Variants in PSMD1 observed in about 807,000 individuals in gnomAD.
PSMD1 encodes the protein 26S proteasome non-ATPase regulatory subunit 1.
A neutral mutation model predicts 119.0 loss-of-function variants in PSMD1; 18 were observed. That is an observed-to-expected ratio of 0.15 (90% confidence interval 0.10 to 0.22). PSMD1 has a LOEUF of 0.22. Among genes scored for constraint, PSMD1 ranks in the 10% least tolerant of loss-of-function variants. The probability of loss-of-function intolerance (pLI) is 1.00; values close to 1 mark genes in which losing one functional copy is unlikely to be tolerated. For synonymous variants in PSMD1, 374 were observed against 396.6 expected (o/e 0.94, Z 0.68); for missense variants, 702 against 1,158.5 (o/e 0.61, Z 5.72).
chr2:231,170,317 A>G lies in PSMD1; in HGVS notation c.2716-249A>G, dbSNP rs1696885575. ...TCAAGGCCATGGCTGGGAAATAACTATTCTTAAATTGGGATGCATCATCCA... is the reference window on the plus strand; with the variant it reads ...TCAAGGCCATGGCTGGGAAATAACTGTTCTTAAATTGGGATGCATCATCCA... On this transcript the variant is annotated intron_variant, in intron 23 of 24. Coordinates refer to ENST00000308696, the MANE Select transcript of PSMD1 (RefSeq NM_002807.4). This position sits in a 1 kb window ranked among gnomAD's most constrained non-coding sequence, Gnocchi z 4.1. The G allele has an allele frequency of 2.7e-6, 1 of 363,772 alleles. No homozygotes were observed. Among genetic ancestry groups the G allele is most frequent in the Admixed American group, 4.5e-5 (1 of 22,070 alleles). The allele number at this position is 363,772 out of a possible 1,614,324, so 22.5% of individuals were successfully genotyped here.
At chr2:231,153,736 C>A in intron 19 of PSMD1, 70 bp downstream of exon 19, 1 of 1,095,030 alleles carries the variant, frequency 9.1e-7, no homozygotes, top group Non-Finnish European at 1.3e-6. Context: ...TCTGCTCTAA[C>A]TATATGACAT....
chr2:231,165,847 C>A, intron 22 of PSMD1, 24 bp from the exon 23 acceptor site: 1 of 1,544,888 alleles, frequency 6.5e-7, no homozygotes, highest in Non-Finnish European at 8.8e-7. Flanking sequence ...TTCTGTTGAA[C>A]TTTTTTTAAA....
At chr2:231,082,814 A>G in intron 12 of PSMD1, 69 bp from the exon 13 acceptor site, 2 of 1,158,730 alleles carry the variant, frequency 1.7e-6, no homozygotes, top group Non-Finnish European at 2.5e-6. Flanking sequence ...CTGTATTTTG[A>G]AATTAGAATA....
At chr2:231,098,785 G>A (rs1410457305) in intron 16 of PSMD1, among the ~76,000 whole-genome samples, 3 of 152,160 alleles carry the variant, frequency 2.0e-5, no homozygotes, top group African/African-American at 7.2e-5. Context: ...ATTCCGTAAA[G>A]GTCATCCAGT....
intron 19 of PSMD1, among the ~76,000 whole-genome samples, chr2:231,158,636 T>C (rs1169182050): frequency 2.0e-5 from 3 of 152,208 alleles, no homozygotes; most frequent in Non-Finnish European, 4.4e-5. Context: ...ATCGTTTTCC[T>C]CTCTTCTGCC....
At chr2:231,154,764 C>T (rs1696449457) in intron 19 of PSMD1, among the ~76,000 whole-genome samples, 2 of 152,150 alleles carry the variant, frequency 1.3e-5, no homozygotes, top group African/African-American at 4.8e-5. Context: ...CCACTGTGCC[C>T]AGCCAATTTA....
intron 16 of PSMD1, among the ~76,000 whole-genome samples, chr2:231,131,290 C>T (rs1042918584): frequency 2.6e-5 from 4 of 151,926 alleles, no homozygotes; most frequent in Non-Finnish European, 5.9e-5. Context: ...TGTTAGCAGT[C>T]GTTGATAATC....
Position 231,165,572 on chromosome 2 carries a change from T to C in PSMD1, c.2568+286T>C, listed in dbSNP as rs555051756. On this transcript the variant is annotated intron_variant, in intron 22 of 24. Coordinates refer to ENST00000308696, the MANE Select transcript of PSMD1 (RefSeq NM_002807.4). ...GTTTTTCACAGACAAGATGATGAGG[T>C]AGGAGAAAGAAAAACCCTTTCAAGC... Among the ~76,000 whole-genome samples the C allele has an allele frequency of 1.2e-3, 181 of 152,242 alleles. 1 individual carries two copies. Among genetic ancestry groups the C allele is most frequent in the African/African-American group, 3.9e-3 (164 of 41,548 alleles).
intron 21 of PSMD1, 160 bp from the exon 22 acceptor site, chr2:231,165,039 TA>T (rs1696737179): frequency 2.0e-3 from 13 of 6,502 alleles, no homozygotes; most frequent in Admixed American, 3.8e-3. Flanking sequence ...TATATTTATA[TA>T]TATATATATA....
At chr2:231,102,483 T>A (rs1178794703) in intron 16 of PSMD1, among the ~76,000 whole-genome samples, 1 of 152,218 alleles carries the variant, frequency 6.6e-6, no homozygotes, top group East Asian at 1.9e-4. Flanking sequence ...ACATACATAG[T>A]CAATTAACAT....
intron 16 of PSMD1, among the ~76,000 whole-genome samples, chr2:231,126,583 A>T (rs1695725746): frequency 6.6e-6 from 1 of 152,216 alleles, no homozygotes; most frequent in South Asian, 2.1e-4. Context: ...ACCATTTTAT[A>T]TCCAGTGAAA....
At chr2:231,114,443 A>T (rs1002181240) in intron 16 of PSMD1, among the ~76,000 whole-genome samples, 1 of 152,174 alleles carries the variant, frequency 6.6e-6, no homozygotes, top group Non-Finnish European at 1.5e-5. Context: ...TTTATAGCAT[A>T]CTCTAGTTTG....
intron 9 of PSMD1, among the ~76,000 whole-genome samples, chr2:231,077,907 G>A (rs900469392): frequency 6.6e-6 from 1 of 152,160 alleles, no homozygotes; most frequent in East Asian, 1.9e-4. Flanking sequence ...CAAAAAATAT[G>A]GAGAATCATA....
chr2:231,079,683 A>G, intron 11 of PSMD1, 69 bp downstream of exon 11: 2 of 1,013,182 alleles, frequency 2.0e-6, no homozygotes, highest in South Asian at 3.6e-5. Flanking sequence ...AAGAAAAAAT[A>G]ACAGTTTATT....
chr2:231,089,616 G>A (rs911230261), intron 16 of PSMD1, among the ~76,000 whole-genome samples: 1 of 146,980 alleles, frequency 6.8e-6, no homozygotes, highest in African/African-American at 2.7e-5. Flanking sequence ...TATATATATG[G>A]GAGTTTATTA....
At chr2:231,091,544 A>G (rs1694593442) in intron 16 of PSMD1, among the ~76,000 whole-genome samples, 1 of 152,208 alleles carries the variant, frequency 6.6e-6, no homozygotes, top group Admixed American at 6.5e-5. Flanking sequence ...TTTGTTAGGC[A>G]TAGTGGTTAT....
At chr2:231,100,013 C>T (rs113414091) in intron 16 of PSMD1, among the ~76,000 whole-genome samples, 76 of 152,064 alleles carry the variant, frequency 5.0e-4, no homozygotes, top group African/African-American at 1.8e-3. Context: ...TTTTTTTCTG[C>T]GTTGCTGAGA....
rs77773034 is a variant in PSMD1, at chr2:231,138,910, G to A, written c.1998+60G>A. On this transcript the variant is annotated intron_variant, in intron 17 of 24. Transcript: ENST00000308696. Reference sequence around the variant, plus strand: ...TGGCGCCAGACTGTTTTCCCTCGCCGCAGAATTTATGTAACAGCTGTAAAA... The same window carrying A: ...TGGCGCCAGACTGTTTTCCCTCGCCACAGAATTTATGTAACAGCTGTAAAA... 3,443 of 1,254,398 alleles carry A rather than the reference G, an allele frequency of 2.7e-3. 25 individuals carry two copies. The highest frequency in any genetic ancestry group is 2.7e-3 in the Non-Finnish European group (2,360 of 860,226). 77.7% of individuals were successfully genotyped at this position (1,254,398 alleles called of 1,614,324 possible).
At chr2:231,157,557 G>A (rs1387587728) in intron 19 of PSMD1, among the ~76,000 whole-genome samples, 2 of 149,412 alleles carry the variant, frequency 1.3e-5, no homozygotes, top group Non-Finnish European at 3.0e-5. Flanking sequence ...TTTTGCTTTA[G>A]ACATTTATTA....
Sources: allele counts gnomAD v4.1 joint callset (sites outside exome capture counted in the v4.1 genomes callset), GRCh38; gene constraint gnomAD v4.1.1; non-coding constraint Gnocchi (gnomAD v3.1); transcripts MANE v1.5; gene names NCBI Gene and HGNC (gene_info 2026-07-23, HGNC 2026-07-21).